Variants in PELI2 observed in about 807,000 individuals in gnomAD.
PELI2 encodes pellino E3 ubiquitin protein ligase family member 2.
PELI2 carries 23 observed loss-of-function variants against 42.3 expected under a neutral mutation model. The ratio of observed to expected loss-of-function variants is 0.54; its 90% confidence interval spans 0.39 to 0.77. PELI2 has a LOEUF of 0.77. Ranked by LOEUF, PELI2 falls within the 30% of genes least tolerant of loss-of-function variation. The probability of loss-of-function intolerance (pLI) is 0.00; values close to 1 mark genes in which losing one functional copy is unlikely to be tolerated. For synonymous variants in PELI2, 245 were observed against 212.2 expected (o/e 1.15, Z -1.34); for missense variants, 463 against 553.2 (o/e 0.84, Z 1.64).
intron 2 of PELI2, among the ~76,000 whole-genome samples, chr14:56,188,988 CG>C (rs1885866976): frequency 6.6e-6 from 1 of 152,004 alleles, no homozygotes; most frequent in Non-Finnish European, 1.5e-5. Flanking sequence ...GGTGAAACCC[CG>C]TCTCTACTAA....
intron 2 of PELI2, among the ~76,000 whole-genome samples, chr14:56,239,476 AT>A (rs1887902585): frequency 6.6e-6 from 1 of 152,344 alleles, no homozygotes; most frequent in East Asian, 1.9e-4. Flanking sequence ...TGTATAATGC[AT>A]TATTTGTTTA....
intron 1 of PELI2, among the ~76,000 whole-genome samples, chr14:56,137,407 C>T (rs4127813): frequency 0.13 from 19,526 of 152,112 alleles, 1,446 homozygotes; most frequent in Middle Eastern, 0.17. Context: ...TAGAGCTTAG[C>T]GGGTCATTGG....
Position 56,252,817 on chromosome 14 carries a change from G to A in PELI2, c.208-26859G>A, listed in dbSNP as rs144967725. 8.9e-3 allele frequency among the ~76,000 whole-genome samples: 1,350 copies of A among 152,192 alleles called. 23 individuals are homozygous for A. The highest frequency in any genetic ancestry group is 0.031 in the African/African-American group (1,271 of 41,518). Reference sequence around the variant, plus strand: ...GTACCATTCCTTCTGAAAGTATTCCGAACAATAGAAAAAGAGGGACTCCTC... The same window carrying A: ...GTACCATTCCTTCTGAAAGTATTCCAAACAATAGAAAAAGAGGGACTCCTC... On this transcript the variant is annotated intron_variant, in intron 2 of 5. Transcript: ENST00000267460.
chr14:56,289,282 C>T (rs1199879848), intron 4 of PELI2, among the ~76,000 whole-genome samples: 1 of 152,188 alleles, frequency 6.6e-6, no homozygotes, highest in African/African-American at 2.4e-5. Context: ...GGTTCTGTGA[C>T]ATCCAGTGCA....
chr14:56,248,260 T>A lies in PELI2; in HGVS notation c.208-31416T>A, dbSNP rs1443501780. Among the ~76,000 whole-genome samples, 6 of 152,354 alleles carry A rather than the reference T, an allele frequency of 3.9e-5. No individual in the cohort carries two copies. The East Asian group carries it at 1.2e-3, about 29-fold the overall frequency. ...CATATGAGCCGACCAAATATGTGGCTTCTTTGAGCATAGTAAATAATGAGA... is the reference window on the plus strand; with the variant it reads ...CATATGAGCCGACCAAATATGTGGCATCTTTGAGCATAGTAAATAATGAGA... On this transcript the variant is annotated intron_variant, in intron 2 of 5. Coordinates refer to ENST00000267460, the MANE Select transcript of PELI2 (RefSeq NM_021255.3).
chr14:56,260,521 C>T (rs1397135810), intron 2 of PELI2, among the ~76,000 whole-genome samples: 6 of 152,112 alleles, frequency 3.9e-5, no homozygotes, highest in African/African-American at 1.2e-4. Flanking sequence ...TTTGGGGTGA[C>T]GGGACAGTTC....
At chr14:56,209,741 A>G (rs1374205884) in intron 2 of PELI2, among the ~76,000 whole-genome samples, 1 of 152,230 alleles carries the variant, frequency 6.6e-6, no homozygotes, top group African/African-American at 2.4e-5. Flanking sequence ...TGATTTGAAT[A>G]TTTGAAACTG....
In PELI2 at chr14:56,288,530, A is replaced by G. The variant is rs1391808754; in HGVS notation, c.403A>G (p.Thr135Ala). 2.5e-6 allele frequency: 4 copies of G among 1,614,130 alleles called. No individual in the cohort carries two copies. Among genetic ancestry groups the G allele is most frequent in the Admixed American group, 1.7e-5 (1 of 60,024 alleles). ...NTDEAQITQS[T>A]ISRFACRIVC... is the part of the protein sequence containing the mutation. ...GGACGAAGCCCAGATCACACAGAGC[A>G]CCATATCCAGGTTCGCCTGCAGGAT... The change falls in exon 4 of 6, where the codon ACC (threonine) becomes GCC (alanine). Residue 135 changes from threonine to alanine, a missense_variant. By Grantham distance (58) the Thr-to-Ala change is moderately conservative. Coordinates refer to ENST00000267460, the MANE Select transcript of PELI2 (RefSeq NM_021255.3). This position sits in a 1 kb window ranked among gnomAD's most constrained non-coding sequence, Gnocchi z 4.6.
chr14:56,243,432 C>G lies in PELI2; in HGVS notation c.208-36244C>G, dbSNP rs115886362. Among the ~76,000 whole-genome samples, 420 of 152,254 alleles carry G rather than the reference C, an allele frequency of 2.8e-3. 1 individual carries two copies. The highest frequency in any genetic ancestry group is 9.7e-3 in the African/African-American group (403 of 41,548). On this transcript the variant is annotated intron_variant, in intron 2 of 5. Transcript: ENST00000267460. ...GAGAGGGTTTAGAGCATGAGAAGCG[C>G]CTGGCCCCAGTTCCTGGCACTTTGT...
chr14:56,228,437 A>C (rs1463490146), intron 2 of PELI2, among the ~76,000 whole-genome samples: 1 of 152,204 alleles, frequency 6.6e-6, no homozygotes, highest in Non-Finnish European at 1.5e-5. Flanking sequence ...TTTTTATTCA[A>C]GGATACCTAA....
chr14:56,251,867 A>T (rs556173068), intron 2 of PELI2, among the ~76,000 whole-genome samples: 9 of 152,348 alleles, frequency 5.9e-5, no homozygotes, highest in Admixed American at 3.9e-4. Context: ...TGTTTTAGCT[A>T]TTCAATTTGT....
intron 1 of PELI2, among the ~76,000 whole-genome samples, chr14:56,132,762 C>T (rs1883537971): frequency 6.6e-6 from 1 of 152,130 alleles, no homozygotes; most frequent in African/African-American, 2.4e-5. Context: ...GAACACTCAC[C>T]ATGTTGGTTA....
intron 2 of PELI2, among the ~76,000 whole-genome samples, chr14:56,202,842 C>T (rs1197366540): frequency 6.6e-6 from 1 of 152,044 alleles, no homozygotes; most frequent in Non-Finnish European, 1.5e-5. Flanking sequence ...GAGCATTTTG[C>T]CAGATACCTG....
At chr14:56,269,374 T>C (rs967423425) in intron 2 of PELI2, among the ~76,000 whole-genome samples, 2 of 151,920 alleles carry the variant, frequency 1.3e-5, no homozygotes, top group African/African-American at 4.8e-5. Flanking sequence ...GCCTGGGAGA[T>C]TGAGGCTGCA....
At chr14:56,139,495 T>A (rs1416976910) in intron 1 of PELI2, among the ~76,000 whole-genome samples, 1 of 152,222 alleles carries the variant, frequency 6.6e-6, no homozygotes, top group African/African-American at 2.4e-5. Flanking sequence ...CCCCGTTTGT[T>A]GCTGCTTATT....
In PELI2 at chr14:56,180,940, C is replaced by T. The variant is rs1411447141; in HGVS notation, c.207+2476C>T. Among the ~76,000 whole-genome samples the T allele has an allele frequency of 1.3e-5, 2 of 152,140 alleles. No individual in the cohort carries two copies. The highest frequency in any genetic ancestry group is 6.5e-5 in the Admixed American group (1 of 15,274). On this transcript the variant is annotated intron_variant, in intron 2 of 5. Transcript: ENST00000267460. The surrounding 1 kb of genome is among the most constrained non-coding windows in gnomAD (Gnocchi z 4.4). ...AACTGAATCTGATTTTCAATGAATG[C>T]ACTCTTTTGTTATTTTTTCCATCTT... is the stretch of plus-strand genomic sequence containing the variant.
chr14:56,288,345 G>A lies in PELI2; in HGVS notation c.310-92G>A. The A allele has an allele frequency of 2.2e-6, 2 of 924,646 alleles. No individual in the cohort carries two copies. The highest frequency in any genetic ancestry group is 1.5e-5 in the South Asian group (1 of 66,300). The allele number at this position is 924,646 out of a possible 1,614,324, so 57.3% of individuals were successfully genotyped here. On this transcript the variant is annotated intron_variant, in intron 3 of 5. Coordinates refer to ENST00000267460, the MANE Select transcript of PELI2 (RefSeq NM_021255.3). This position sits in a 1 kb window ranked among gnomAD's most constrained non-coding sequence, Gnocchi z 4.6. ...AACCCTCAGAACAAGGATAGTGAAT[G>A]TTAAAGGAATCCTGAATGCTTTTTC...
Position 56,288,898 on chromosome 14 carries a change from A to C in PELI2, c.507+264A>C, listed in dbSNP as rs1406293693. 1.3e-5 allele frequency among the ~76,000 whole-genome samples: 2 copies of C among 152,194 alleles called. No homozygotes were observed. Among genetic ancestry groups the C allele is most frequent in the Non-Finnish European group, 2.9e-5 (2 of 68,036 alleles). On this transcript the variant is annotated intron_variant, in intron 4 of 5. Transcript: ENST00000267460. The surrounding 1 kb of genome is among the most constrained non-coding windows in gnomAD (Gnocchi z 4.6). ...AAGTATGCCTATAACATTGTCCATA[A>C]TGTATTTACGGCAACGAAGAGGTTT...
chr14:56,134,767 T>C lies in PELI2; in HGVS notation c.77+16030T>C, dbSNP rs372702923. Among the ~76,000 whole-genome samples, 16 of 150,500 alleles carry C rather than the reference T, an allele frequency of 1.1e-4. No individual in the cohort carries two copies. The East Asian group carries it at 1.6e-3, about 15-fold the overall frequency. On this transcript the variant is annotated intron_variant, in intron 1 of 5. Coordinates refer to ENST00000267460, the MANE Select transcript of PELI2 (RefSeq NM_021255.3). ...TCATTATGAGGAACCAGTAATCTTG[T>C]CAGTAAACTATTTTTTTTTTTTTTT...
Sources: gnomAD v4.1 joint callset for allele counts (sites outside exome capture counted in the v4.1 genomes callset) on GRCh38, gnomAD v4.1.1 for gene constraint, Gnocchi (gnomAD v3.1) non-coding constraint, MANE v1.5 for transcripts, NCBI Gene and HGNC (gene_info 2026-07-23, HGNC 2026-07-21) for gene names.